ACBD6: variants seen among roughly 807,000 people sequenced by gnomAD.
The protein encoded by ACBD6 is acyl-CoA binding domain containing 6.
ACBD6 carries 28 observed loss-of-function variants against 37.2 expected under a neutral mutation model. That is an observed-to-expected ratio of 0.75 (90% CI 0.56 to 1.03). The LOEUF is 1.03. Ranked by LOEUF, ACBD6 falls within the 50% of genes least tolerant of loss-of-function variation. The pLI is 0.00. For missense variants in ACBD6, 340 were observed against 337.4 expected, an observed-to-expected ratio of 1.01 and a Z score of -0.06; for synonymous variants, 113 against 126.8, an observed-to-expected ratio of 0.89 and a Z score of 0.73.
At chr1:180,332,627 C>G (rs1251618755) in intron 6 of ACBD6, among the ~76,000 whole-genome samples, 1 of 152,022 alleles carries the variant, frequency 6.6e-6, no homozygotes, top group East Asian at 1.9e-4. Flanking sequence ...CTAGATGGGA[C>G]CATCTAGTTG....
chr1:180,339,528 T>C (rs935615648), intron 6 of ACBD6, among the ~76,000 whole-genome samples: 2 of 27,400 alleles, frequency 7.3e-5, no homozygotes, highest in African/African-American at 4.6e-4. Context: ...CCGGGGCCTG[T>C]TGTAGGGTGG....
chr1:180,398,059 T>TACAACAACAACA, intron 5 of ACBD6, among the ~76,000 whole-genome samples: 1 of 149,382 alleles, frequency 6.7e-6, no homozygotes, highest in South Asian at 2.1e-4. Context: ...TCTCAAAAAC[T>TACAACAACAACA]ACAACAACAA....
intron 6 of ACBD6, among the ~76,000 whole-genome samples, chr1:180,362,502 A>T (rs1652888682): frequency 6.6e-6 from 1 of 152,226 alleles, no homozygotes; most frequent in Admixed American, 6.5e-5. Context: ...ACCTTAAATA[A>T]ATATGCTTTA....
chr1:180,428,048 G>C (rs1404178739), intron 4 of ACBD6, among the ~76,000 whole-genome samples: 3 of 151,770 alleles, frequency 2.0e-5, no homozygotes, highest in Non-Finnish European at 4.4e-5. Context: ...TGTAATTTCT[G>C]ATCTGCTGTA....
chr1:180,499,497 G>T (rs959447868), intron 1 of ACBD6, among the ~76,000 whole-genome samples: 4 of 152,144 alleles, frequency 2.6e-5, no homozygotes, highest in Admixed American at 2.0e-4. Flanking sequence ...AGACAAAATG[G>T]TTCCCAAGTC....
chr1:180,459,660 G>A (rs566693789), intron 3 of ACBD6, among the ~76,000 whole-genome samples: 63 of 152,306 alleles, frequency 4.1e-4, no homozygotes, highest in Non-Finnish European at 7.3e-4. Context: ...TATGTGAAAT[G>A]TCAAGTTTCT....
chr1:180,399,225 T>A (rs1421555923), intron 5 of ACBD6, among the ~76,000 whole-genome samples: 6 of 152,206 alleles, frequency 3.9e-5, no homozygotes, highest in East Asian at 1.9e-4. Flanking sequence ...ATAAAAAAAA[T>A]TTATTTTGCC....
At chr1:180,350,253 C>T (rs1368064328) in intron 6 of ACBD6, among the ~76,000 whole-genome samples, 2 of 152,056 alleles carry the variant, frequency 1.3e-5, no homozygotes, top group Non-Finnish European at 2.9e-5. Flanking sequence ...AGGCTGGTCT[C>T]CAACTTCTAA....
At chr1:180,330,064 C>CT (rs1651418574) in intron 6 of ACBD6, among the ~76,000 whole-genome samples, 1 of 152,068 alleles carries the variant, frequency 6.6e-6, no homozygotes, top group African/African-American at 2.4e-5. Context: ...AATACAAGGA[C>CT]TTGATTCTCT....
At chr1:180,324,937 C>A (rs1223112798) in intron 6 of ACBD6, among the ~76,000 whole-genome samples, 1 of 152,102 alleles carries the variant, frequency 6.6e-6, no homozygotes, top group African/African-American at 2.4e-5. Flanking sequence ...TCTCTCCTAG[C>A]CTGTTTAGGT....
intron 3 of ACBD6, among the ~76,000 whole-genome samples, chr1:180,458,333 A>G (rs1191367368): frequency 6.6e-6 from 1 of 152,242 alleles, no homozygotes; most frequent in Non-Finnish European, 1.5e-5. Flanking sequence ...TCAACGCAAC[A>G]GCATAAGTAC....
intron 6 of ACBD6, among the ~76,000 whole-genome samples, chr1:180,391,946 T>C (rs1053760699): frequency 1.3e-5 from 2 of 152,130 alleles, no homozygotes; most frequent in African/African-American, 4.8e-5. Context: ...TCCTGGTATA[T>C]ACACGCAATG....
At chr1:180,439,772 G>T (rs1649205629) in intron 3 of ACBD6, among the ~76,000 whole-genome samples, 1 of 152,170 alleles carries the variant, frequency 6.6e-6, no homozygotes, top group African/African-American at 2.4e-5. Flanking sequence ...GTTTGAACTG[G>T]TACCTCAATC....
At chr1:180,364,696 G>C (rs1014967629) in intron 6 of ACBD6, among the ~76,000 whole-genome samples, 1 of 151,648 alleles carries the variant, frequency 6.6e-6, no homozygotes, top group African/African-American at 2.4e-5. Flanking sequence ...TCCTGCATTA[G>C]GTGGGAGTTG....
At chr1:180,388,304 G>A (rs1653924442) in intron 6 of ACBD6, among the ~76,000 whole-genome samples, 1 of 152,010 alleles carries the variant, frequency 6.6e-6, no homozygotes, top group South Asian at 2.1e-4. Flanking sequence ...TATTTGCTGT[G>A]TATGTCCAGG....
At chr1:180,311,930 A>G (rs1253306106) in intron 7 of ACBD6, among the ~76,000 whole-genome samples, 2 of 152,238 alleles carry the variant, frequency 1.3e-5, no homozygotes, top group East Asian at 3.8e-4. Flanking sequence ...GGAGCATATC[A>G]GTGGAGCTTC....
rs573410175 is a variant in ACBD6, at chr1:180,436,413, G to A, written c.385-6151C>T. ...TGACCTGTTCCCACCCCAGTTCATC[G>A]TCACCTCTTTTACACCAAAACGTCT... On this transcript the variant is annotated intron_variant, in intron 3 of 7. Transcript: ENST00000367595. Among the ~76,000 whole-genome samples, 9 of 152,146 alleles carry A rather than the reference G, an allele frequency of 5.9e-5. 1 individual carries two copies. In the South Asian group the frequency reaches 1.2e-3, roughly 21 times the overall value.
rs531000701 is a variant in ACBD6 at position 180,446,606 on chromosome 1, T to C, written c.385-16344A>G. ...AAAAGAAAACTTTACCATGAAAATATTGTTGGTTGCTACTTATAACAGTAA... is the reference window on the plus strand; with the variant it reads ...AAAAGAAAACTTTACCATGAAAATACTGTTGGTTGCTACTTATAACAGTAA... On this transcript the variant is annotated intron_variant, in intron 3 of 7. Transcript: ENST00000367595. Among the ~76,000 whole-genome samples the C allele has an allele frequency of 2.1e-3, 316 of 152,306 alleles. 1 individual carries two copies. Among genetic ancestry groups the C allele is most frequent in the Middle Eastern group, 3.4e-3 (1 of 294 alleles).
chr1:180,377,949 A>AAATGAT (rs1553300274), intron 6 of ACBD6, among the ~76,000 whole-genome samples: 1 of 143,390 alleles, frequency 7.0e-6, no homozygotes, highest in East Asian at 2.0e-4. Flanking sequence ...CTCTGTCTCA[A>AAATGAT]AATAATAATA....
Sources: allele counts gnomAD v4.1 joint callset (sites outside exome capture counted in the v4.1 genomes callset), GRCh38; gene constraint gnomAD v4.1.1; transcripts MANE v1.5; gene names NCBI Gene and HGNC (gene_info 2026-07-23, HGNC 2026-07-21).